Variants in NRP1 observed in about 807,000 individuals in gnomAD.
NRP1 encodes neuropilin 1.
In NRP1, 35 loss-of-function variants were observed where a neutral mutation model predicts 106.7. That is an observed-to-expected ratio of 0.33 (90% CI 0.25 to 0.43). The LOEUF (loss-of-function observed/expected upper bound fraction) is 0.43, where lower values mean the gene tolerates loss of function less well. Ranked by LOEUF, NRP1 falls within the 20% of genes least tolerant of loss-of-function variation. The probability of loss-of-function intolerance (pLI) is 1.00; values close to 1 mark genes in which losing one functional copy is unlikely to be tolerated. For synonymous variants in NRP1, 437 were observed against 417.9 expected (o/e 1.05, Z -0.56); for missense variants, 1,024 against 1,170.4 (o/e 0.87, Z 1.83).
intron 2 of NRP1, among the ~76,000 whole-genome samples, chr10:33,320,260 C>T (rs1847400348): frequency 6.6e-6 from 1 of 151,602 alleles, no homozygotes; most frequent in African/African-American, 2.4e-5. Flanking sequence ...TTGCAGTGAG[C>T]CGACTTTGCG....
At chr10:33,259,522 C>T (rs943987532) in intron 4 of NRP1, among the ~76,000 whole-genome samples, 4 of 151,780 alleles carry the variant, frequency 2.6e-5, no homozygotes, top group African/African-American at 4.8e-5. Context: ...TATTGTGGAC[C>T]GAAGCGCCGA....
chr10:33,300,572 G>T (rs1845732331), intron 2 of NRP1, among the ~76,000 whole-genome samples: 1 of 152,122 alleles, frequency 6.6e-6, no homozygotes, highest in Non-Finnish European at 1.5e-5. Flanking sequence ...ATAAATCTTG[G>T]GGCGCCCAAA....
At chr10:33,319,454 A>G (rs1432477692) in intron 2 of NRP1, among the ~76,000 whole-genome samples, 1 of 152,014 alleles carries the variant, frequency 6.6e-6, no homozygotes, top group Non-Finnish European at 1.5e-5. Flanking sequence ...GGGAATAAAA[A>G]CTGGCCCCCT....
intron 12 of NRP1, chr10:33,194,807 C>T (rs1407200079): frequency 2.0e-6 from 1 of 509,396 alleles, no homozygotes. Context: ...ACAAACCACC[C>T]ATAAACATTT....
At chr10:33,185,790 C>T (rs571009231) in intron 14 of NRP1, 66 bp from the exon 15 acceptor site, 7 of 1,326,696 alleles carry the variant, frequency 5.3e-6, no homozygotes, top group Middle Eastern at 1.8e-4. Context: ...TTTACAAATG[C>T]TTGTTCAGCT....
intron 8 of NRP1, among the ~76,000 whole-genome samples, chr10:33,220,097 A>T (rs916979308): frequency 6.6e-6 from 1 of 152,194 alleles, no homozygotes; most frequent in Non-Finnish European, 1.5e-5. Flanking sequence ...ATAATAAACA[A>T]GTCTGTCTGT....
chr10:33,230,173 C>G (rs189075345), intron 6 of NRP1, among the ~76,000 whole-genome samples: 25 of 152,288 alleles, frequency 1.6e-4, no homozygotes, highest in Admixed American at 3.3e-4. Context: ...GAATTCTCAA[C>G]AAGGATCTGC....
intron 16 of NRP1, among the ~76,000 whole-genome samples, chr10:33,180,828 G>C (rs1028174775): frequency 6.6e-6 from 1 of 152,172 alleles, no homozygotes; most frequent in Non-Finnish European, 1.5e-5. Context: ...CCAGGATCTG[G>C]CATGGTTTAT....
intron 2 of NRP1, among the ~76,000 whole-genome samples, chr10:33,288,052 G>A (rs1844708160): frequency 6.6e-6 from 1 of 151,924 alleles, no homozygotes; most frequent in Non-Finnish European, 1.5e-5. Flanking sequence ...ATCTAAATTT[G>A]GTTAAAGTGA....
At chr10:33,254,383 T>A (rs956045824) in intron 5 of NRP1, among the ~76,000 whole-genome samples, 189 bp from the exon 6 acceptor site, 1 of 152,148 alleles carries the variant, frequency 6.6e-6, no homozygotes, top group Admixed American at 6.5e-5. Flanking sequence ...ATTATGAAGA[T>A]CATACAGTGA....
At chr10:33,289,576 T>G (rs1308692631) in intron 2 of NRP1, among the ~76,000 whole-genome samples, 2 of 152,208 alleles carry the variant, frequency 1.3e-5, no homozygotes, top group African/African-American at 4.8e-5. Context: ...AAATTGTTCC[T>G]CGAAGAGCGG....
At chr10:33,227,907 C>T (rs1336769253) in intron 6 of NRP1, among the ~76,000 whole-genome samples, 1 of 152,128 alleles carries the variant, frequency 6.6e-6, no homozygotes, top group Non-Finnish European at 1.5e-5. Flanking sequence ...CTCTTTTCCA[C>T]TCTGACCTCC....
intron 2 of NRP1, among the ~76,000 whole-genome samples, chr10:33,315,214 T>C (rs1846935021): frequency 6.6e-6 from 1 of 152,256 alleles, no homozygotes; most frequent in Non-Finnish European, 1.5e-5. Context: ...TTTTTTGAGA[T>C]GTAGCTAGAG....
chr10:33,222,544 G>A (rs1839343838), intron 7 of NRP1, among the ~76,000 whole-genome samples: 1 of 119,268 alleles, frequency 8.4e-6, no homozygotes, highest in African/African-American at 2.9e-5. Context: ...TATTTAAGAT[G>A]GAGTCTCGCT....
At chr10:33,264,097 T>G (rs532825650) in intron 3 of NRP1, among the ~76,000 whole-genome samples, 1 of 152,314 alleles carries the variant, frequency 6.6e-6, no homozygotes, top group African/African-American at 2.4e-5. Context: ...ATGGAGCAAT[T>G]TAAAGACTTC....
At chr10:33,276,193 T>G (rs1176479941) in intron 2 of NRP1, among the ~76,000 whole-genome samples, 1 of 152,224 alleles carries the variant, frequency 6.6e-6, no homozygotes, top group Non-Finnish European at 1.5e-5. Context: ...AAAGTTATTT[T>G]GAAAAGCACT....
intron 16 of NRP1, among the ~76,000 whole-genome samples, chr10:33,182,399 C>T (rs1257344896): frequency 6.6e-6 from 1 of 152,024 alleles, no homozygotes; most frequent in Non-Finnish European, 1.5e-5. Context: ...GCTGATTATC[C>T]TTTATGTTCC....
At chr10:33,229,677 T>C (rs896035844) in intron 6 of NRP1, among the ~76,000 whole-genome samples, 1 of 152,126 alleles carries the variant, frequency 6.6e-6, no homozygotes, top group Non-Finnish European at 1.5e-5. Context: ...AGAAGTTAAC[T>C]GGTGATCAAA....
At chr10:33,302,478 A>ATAGGG (rs1845869293) in intron 2 of NRP1, among the ~76,000 whole-genome samples, 1 of 152,256 alleles carries the variant, frequency 6.6e-6, no homozygotes, top group African/African-American at 2.4e-5. Flanking sequence ...CTATTGGATA[A>ATAGGG]GAACTTCCCC....
Sources: gnomAD v4.1 joint callset for allele counts (sites outside exome capture counted in the v4.1 genomes callset) on GRCh38, gnomAD v4.1.1 for gene constraint, MANE v1.5 for transcripts, NCBI Gene and HGNC (gene_info 2026-07-23, HGNC 2026-07-21) for gene names.